REC114: variants seen among roughly 807,000 people sequenced by gnomAD.
The protein encoded by REC114 is meiotic recombination protein REC114.
Under a neutral mutation model 31.3 loss-of-function variants are expected in REC114, and 27 were observed. That is an observed-to-expected ratio of 0.86 (90% CI 0.64 to 1.19). The LOEUF is 1.19. Among genes scored for constraint, REC114 ranks in the 50% most tolerant of loss-of-function variants. REC114 has a pLI of 0.00. For missense variants in REC114, 344 were observed against 326.9 expected (o/e 1.05, Z -0.40); for synonymous variants, 134 against 127.7 (o/e 1.05, Z -0.33).
chr15:73,514,929 ATTTTTTTTTTT>A (rs34985483), intron 2 of REC114, among the ~76,000 whole-genome samples: 3 of 132,682 alleles, frequency 2.3e-5, no homozygotes, highest in African/African-American at 8.3e-5. Context: ...TAACACTCTG[ATTTTTTTTTTT>A]TTTTTTTTTG....
chr15:73,451,272 G>A (rs1892843573), intron 1 of REC114, among the ~76,000 whole-genome samples: 1 of 152,176 alleles, frequency 6.6e-6, no homozygotes, highest in Non-Finnish European at 1.5e-5. Context: ...GAATTAAATA[G>A]ATGCAATAAA....
intron 2 of REC114, among the ~76,000 whole-genome samples, chr15:73,475,720 T>A (rs1893202916): frequency 6.6e-6 from 1 of 152,114 alleles, no homozygotes; most frequent in African/African-American, 2.4e-5. Flanking sequence ...AAATAGTCAT[T>A]AAGGAAATGC....
At chr15:73,555,587 G>A (rs1205603480) in intron 4 of REC114, among the ~76,000 whole-genome samples, 1 of 152,176 alleles carries the variant, frequency 6.6e-6, no homozygotes, top group Non-Finnish European at 1.5e-5. Context: ...TTCCTGAGTT[G>A]CAAGATAATT....
intron 2 of REC114, among the ~76,000 whole-genome samples, chr15:73,532,686 T>C (rs144508377): frequency 0.12 from 17,568 of 151,444 alleles, 1,313 homozygotes; most frequent in African/African-American, 0.22. Flanking sequence ...ATACAGAGAA[T>C]GCCACAAAGA....
intron 2 of REC114, among the ~76,000 whole-genome samples, chr15:73,514,434 G>A (rs1056264108): frequency 2.1e-4 from 32 of 152,134 alleles, no homozygotes; most frequent in Admixed American, 4.6e-4. Context: ...GCTGTAGACC[G>A]GAGCTGTTCC....
intron 2 of REC114, among the ~76,000 whole-genome samples, chr15:73,474,169 A>G (rs1315230275): frequency 1.3e-5 from 2 of 152,234 alleles, no homozygotes. Flanking sequence ...CCAGTATGAT[A>G]AAGGATTCTG....
intron 2 of REC114, among the ~76,000 whole-genome samples, chr15:73,531,174 G>A (rs1440749260): frequency 6.6e-6 from 1 of 152,154 alleles, no homozygotes; most frequent in South Asian, 2.1e-4. Flanking sequence ...AAACTGGTAG[G>A]TGAAGTCAGA....
intron 3 of REC114, among the ~76,000 whole-genome samples, chr15:73,548,399 G>T (rs559606688): frequency 6.6e-6 from 1 of 152,258 alleles, no homozygotes. Context: ...GAGTCACTGT[G>T]CCCGGCCTGA....
chr15:73,558,225 TAC>T (rs1444573969), intron 5 of REC114, among the ~76,000 whole-genome samples: 10 of 152,190 alleles, frequency 6.6e-5, no homozygotes, highest in Admixed American at 6.5e-5. Flanking sequence ...AAGTTTCTGT[TAC>T]AGAGAGTTCC....
rs922740938 is a variant in REC114 at position 73,556,798 on chromosome 15, C to G, written c.636+407C>G. 2.6e-5 allele frequency among the ~76,000 whole-genome samples: 4 copies of G among 152,156 alleles called. No individual in the cohort carries two copies. The East Asian group carries it at 7.7e-4, about 29-fold the overall frequency. On this transcript the variant is annotated intron_variant, in intron 5 of 5. Transcript: ENST00000331090. Reference sequence around the variant, plus strand: ...TGTGGATTCAGATCTACAACAATTTCTATATGGGTAGATTGTTAGTACTCA... The same window carrying G: ...TGTGGATTCAGATCTACAACAATTTGTATATGGGTAGATTGTTAGTACTCA...
In REC114 at chr15:73,512,122, G is replaced by T. The variant is rs1241737393; in HGVS notation, c.250-28363G>T. Among the ~76,000 whole-genome samples the T allele has an allele frequency of 8.4e-5, 12 of 142,406 alleles. No individual in the cohort carries two copies. The East Asian group carries it at 2.4e-3, about 28-fold the overall frequency. The allele number at this position is 142,406 out of a possible 152,430, so 93.4% of individuals were successfully genotyped here. ...CTCAGGACTTGCTTTATGAATCTGGGTGCTCCTATATTGGGTGCATATATA... is the reference window on the plus strand; with the variant it reads ...CTCAGGACTTGCTTTATGAATCTGGTTGCTCCTATATTGGGTGCATATATA... On this transcript the variant is annotated intron_variant, in intron 2 of 5. Transcript: ENST00000331090.
chr15:73,460,194 G>T (rs951674699), intron 1 of REC114, among the ~76,000 whole-genome samples: 1 of 152,222 alleles, frequency 6.6e-6, no homozygotes, highest in East Asian at 1.9e-4. Flanking sequence ...TTTTCATAGA[G>T]GCTATGGATT....
At chr15:73,450,135 C>A (rs1293306985) in intron 1 of REC114, among the ~76,000 whole-genome samples, 1 of 152,082 alleles carries the variant, frequency 6.6e-6, no homozygotes, top group Non-Finnish European at 1.5e-5. Flanking sequence ...ATTCATGCAA[C>A]AATATGAACC....
At chr15:73,554,718 CAG>C (rs1294626396) in intron 4 of REC114, among the ~76,000 whole-genome samples, 1 of 152,214 alleles carries the variant, frequency 6.6e-6, no homozygotes, top group Non-Finnish European at 1.5e-5. Flanking sequence ...ACTGTGTGCA[CAG>C]ACTCTTCCAT....
chr15:73,530,386 G>C (rs1190204438), intron 2 of REC114, among the ~76,000 whole-genome samples: 1 of 152,100 alleles, frequency 6.6e-6, no homozygotes, highest in Non-Finnish European at 1.5e-5. Flanking sequence ...TTTTGCCTGG[G>C]TGTGGTGGCT....
chr15:73,531,235 C>G (rs1238263347), intron 2 of REC114, among the ~76,000 whole-genome samples: 1 of 152,162 alleles, frequency 6.6e-6, no homozygotes, highest in South Asian at 2.1e-4. Flanking sequence ...GCAGAGTCAA[C>G]AGCAAGGGAA....
rs1428383772 is a variant in REC114 at position 73,559,737 on chromosome 15, C to T, written c.637-15C>T. The T allele has an allele frequency of 2.0e-6, 3 of 1,525,554 alleles. No individual in the cohort carries two copies. The highest frequency in any genetic ancestry group is 2.9e-5 in the African/African-American group (2 of 70,062). The allele number at this position is 1,525,554 out of a possible 1,614,324, so 94.5% of individuals were successfully genotyped here. On this transcript the variant is annotated splice_polypyrimidine_tract_variant and intron_variant, in intron 5 of 5. Transcript: ENST00000331090. ...TTACCTGTAATCTGTAACGACTTTT[C>T]TGGTATCCCTGCAGACTCTTCTGGC...
At position 73,556,465 on chromosome 15, in the gene REC114, C is replaced by A; in HGVS notation, c.636+74C>A. ...CCCTAAGAATTTGTATCCCTTTGTT[C>A]AATTCTTTGTTTTAGGAGAGAAACT... is the stretch of plus-strand genomic sequence containing the variant. On this transcript the variant is annotated intron_variant, in intron 5 of 5. Transcript: ENST00000331090. 5 of 1,297,580 alleles carry A rather than the reference C, an allele frequency of 3.9e-6. No homozygotes were observed. The South Asian group carries it at 4.0e-5, about 10-fold the overall frequency. The allele number at this position is 1,297,580 out of a possible 1,614,324, so 80.4% of individuals were successfully genotyped here.
At chr15:73,537,255 T>G (rs1894168140) in intron 2 of REC114, among the ~76,000 whole-genome samples, 1 of 152,174 alleles carries the variant, frequency 6.6e-6, no homozygotes, top group Admixed American at 6.5e-5. Flanking sequence ...CAGAGTCACC[T>G]AGTTGAGAGA....
Sources: gnomAD v4.1 joint callset for allele counts (sites outside exome capture counted in the v4.1 genomes callset) on GRCh38, gnomAD v4.1.1 for gene constraint, MANE v1.5 for transcripts, NCBI Gene and HGNC (gene_info 2026-07-23, HGNC 2026-07-21) for gene names.